CYP2C19: variants seen among roughly 807,000 people sequenced by gnomAD.
CYP2C19 encodes the protein cytochrome P450 2C19.
A neutral mutation model predicts 40.9 loss-of-function variants in CYP2C19; 59 were observed. The ratio of observed to expected loss-of-function variants is 1.44; its 90% CI spans 1.17 to 1.79. The LOEUF is 1.79. Among genes scored for constraint, CYP2C19 ranks in the 40% most tolerant of loss-of-function variants. The pLI, the probability that CYP2C19 is intolerant of heterozygous loss-of-function variation, is 0.00. For synonymous variants in CYP2C19, 253 were observed against 208.7 expected, an observed-to-expected ratio of 1.21 and a Z score of -1.83; for missense variants, 754 against 596.9, an observed-to-expected ratio of 1.26 and a Z score of -2.74.
intron 6 of CYP2C19, among the ~76,000 whole-genome samples, chr10:94,835,012 G>T (rs1193805825): frequency 6.6e-6 from 1 of 152,170 alleles, no homozygotes; most frequent in Non-Finnish European, 1.5e-5. Flanking sequence ...TTCCTCGGGA[G>T]AGGTGCCTTC....
intron 5 of CYP2C19, among the ~76,000 whole-genome samples, chr10:94,802,126 G>A (rs972362224): frequency 2.0e-5 from 3 of 148,474 alleles, no homozygotes; most frequent in African/African-American, 7.9e-5. Flanking sequence ...GCACTGATTG[G>A]TCCATTTTTC....
Position 94,816,734 on chromosome 10 carries a change from C to A in CYP2C19, c.820-3762C>A, listed in dbSNP as rs1304407385. On this transcript the variant is annotated intron_variant, in intron 5 of 8. Transcript: ENST00000371321. ...CCAATGCTATCCCTCCCCCCTCCCC[C>A]CACCCCACATCAGTCCCCAGAGTGT... is the stretch of plus-strand genomic sequence containing the variant. Among the ~76,000 whole-genome samples the A allele has an allele frequency of 3.1e-5, 4 of 128,532 alleles. No individual in the cohort carries two copies. The East Asian group carries it at 8.1e-4, about 26-fold the overall frequency. 84.3% of individuals were successfully genotyped at this position (128,532 alleles called of 152,430 possible). A position where few individuals can be genotyped will look rare whatever the true frequency, so the allele number is the denominator to read the frequency against.
At chr10:94,799,254 A>G (rs1406015180) in intron 5 of CYP2C19, among the ~76,000 whole-genome samples, 1 of 151,786 alleles carries the variant, frequency 6.6e-6, no homozygotes, top group Non-Finnish European at 1.5e-5. Context: ...TTTCTCCTTC[A>G]TTTACGAGGC....
At chr10:94,833,662 A>C (rs1269364835) in intron 6 of CYP2C19, among the ~76,000 whole-genome samples, 1 of 152,202 alleles carries the variant, frequency 6.6e-6, no homozygotes, top group Non-Finnish European at 1.5e-5. Flanking sequence ...CATGGATGAA[A>C]TTGGAAATCA....
chr10:94,803,095 G>A (rs1290013593), intron 5 of CYP2C19, among the ~76,000 whole-genome samples: 1 of 152,144 alleles, frequency 6.6e-6, no homozygotes, highest in Non-Finnish European at 1.5e-5. Context: ...TTGCTGGGGA[G>A]TTAGTGTGGT....
In CYP2C19 at chr10:94,849,942, C is replaced by G. The variant is rs1849626659; in HGVS notation, c.1175C>G (p.Thr392Ser). ...GGCACAACCATATTAACTTCCCTCA[C>G]TTCTGTGCTACATGACAACAAAGAA... ...PKGTTILTSL[T>S]SVLHDNKEFP... Residue 392 changes from threonine (T) to serine (S), a missense_variant, in exon 8 of 9, where the codon ACT (threonine) becomes AGT (serine). By Grantham distance (58) the Thr-to-Ser change is moderately conservative. Transcript: ENST00000371321. 1.2e-6 allele frequency: 2 copies of G among 1,613,788 alleles called. No individual in the cohort carries two copies. The highest frequency in any genetic ancestry group is 1.7e-6 in the Non-Finnish European group (2 of 1,179,774).
intron 5 of CYP2C19, among the ~76,000 whole-genome samples, chr10:94,803,120 A>G (rs181131198): frequency 6.6e-6 from 1 of 152,176 alleles, no homozygotes; most frequent in African/African-American, 2.4e-5. Flanking sequence ...TGGTGGTTTT[A>G]CAATATTCAG....
At chr10:94,831,936 G>A (rs1849342089) in intron 6 of CYP2C19, among the ~76,000 whole-genome samples, 2 of 152,050 alleles carry the variant, frequency 1.3e-5, no homozygotes. Context: ...TGTTTGCTTT[G>A]AATGCCTGTG....
At position 94,781,825 on chromosome 10, in the gene CYP2C19, G is replaced by T; in HGVS notation, c.647G>T (p.Cys216Phe). The T allele has an allele frequency of 2.1e-6, 3 of 1,418,906 alleles. No homozygotes were observed. Among genetic ancestry groups the T allele is most frequent in the Non-Finnish European group, 9.3e-7 (1 of 1,076,430 alleles). 87.9% of individuals were successfully genotyped at this position (1,418,906 alleles called of 1,614,324 possible). ...TAAATTATTGTTTTCTCTTAGATAT[G>T]CAATAATTTTCCCACTATCATTGAT... ...RIVSTPWIQI[C>F]NNFPTIIDYF... The change falls in exon 5 of 9, where the codon TGC (cysteine) becomes TTC (phenylalanine). Residue 216 changes from cysteine to phenylalanine, a missense_variant. Coordinates refer to ENST00000371321, the MANE Select transcript of CYP2C19 (RefSeq NM_000769.4).
At chr10:94,829,883 C>T (rs942586976) in intron 6 of CYP2C19, among the ~76,000 whole-genome samples, 2 of 152,188 alleles carry the variant, frequency 1.3e-5, no homozygotes, top group Middle Eastern at 3.4e-3. Context: ...AGACAGGACC[C>T]TCAGCTGCAG....
intron 6 of CYP2C19, among the ~76,000 whole-genome samples, chr10:94,834,762 C>T (rs1266407610): frequency 2.0e-5 from 3 of 152,138 alleles, no homozygotes; most frequent in Non-Finnish European, 2.9e-5. Context: ...TTAGTGAGCT[C>T]TCCTTACTAT....
At chr10:94,818,687 T>C (rs1369339014) in intron 5 of CYP2C19, among the ~76,000 whole-genome samples, 1 of 146,500 alleles carries the variant, frequency 6.8e-6, no homozygotes, top group Admixed American at 6.9e-5. Flanking sequence ...TTCGGCTCTC[T>C]GTTTGTCTGT....
intron 6 of CYP2C19, among the ~76,000 whole-genome samples, chr10:94,826,101 A>G (rs1328076646): frequency 1.3e-5 from 2 of 152,010 alleles, no homozygotes; most frequent in Non-Finnish European, 2.9e-5. Context: ...TGATGCCTCC[A>G]GCTTTGTTCT....
chr10:94,815,624 A>G lies in CYP2C19; in HGVS notation c.820-4872A>G, dbSNP rs568728040. On this transcript the variant is annotated intron_variant, in intron 5 of 8. Transcript: ENST00000371321. ...TTCCCTGTGGGCAATTAATGTCCTT[A>G]TTCTCCATCTTCATCATTCTCCTTT... is the stretch of plus-strand genomic sequence containing the variant. 2.6e-5 allele frequency among the ~76,000 whole-genome samples: 4 copies of G among 152,170 alleles called. No individual in the cohort carries two copies. The East Asian group carries it at 5.8e-4, about 22-fold the overall frequency.
chr10:94,839,500 G>A (rs572813378), intron 6 of CYP2C19, among the ~76,000 whole-genome samples: 3 of 152,292 alleles, frequency 2.0e-5, no homozygotes, highest in African/African-American at 7.2e-5. Flanking sequence ...CTAGAGCTGG[G>A]CTGGGTTCCT....
chr10:94,795,947 T>C (rs969910098), intron 5 of CYP2C19, among the ~76,000 whole-genome samples: 1 of 152,170 alleles, frequency 6.6e-6, no homozygotes, highest in African/African-American at 2.4e-5. Context: ...ATTCTGTAGG[T>C]TGCCTATTCA....
chr10:94,793,325 G>T (rs1342051011), intron 5 of CYP2C19, among the ~76,000 whole-genome samples: 2 of 152,088 alleles, frequency 1.3e-5, no homozygotes, highest in Admixed American at 6.5e-5. Context: ...GGAGAAGTTT[G>T]TTATTACCGA....
intron 3 of CYP2C19, among the ~76,000 whole-genome samples, chr10:94,777,666 G>A (rs909493158): frequency 6.6e-6 from 1 of 152,106 alleles, no homozygotes; most frequent in Non-Finnish European, 1.5e-5. Flanking sequence ...ATGGATTGAA[G>A]ACTTAAACAT....
chr10:94,775,591 A>G, intron 3 of CYP2C19, 52 bp downstream of exon 3: 5 of 1,613,394 alleles, frequency 3.1e-6, no homozygotes, highest in South Asian at 1.1e-5. Context: ...TCTCCTCTCT[A>G]CTGACATTCT....
Sources: gnomAD v4.1 joint callset for allele counts (sites outside exome capture counted in the v4.1 genomes callset) on GRCh38, gnomAD v4.1.1 for gene constraint, MANE v1.5 for transcripts, NCBI Gene and HGNC (gene_info 2026-07-23, HGNC 2026-07-21) for gene names.